SUGCT: variants seen among roughly 807,000 people sequenced by gnomAD.
The protein encoded by SUGCT is succinyl-CoA:glutarate-CoA transferase.
Under a neutral mutation model 55.0 loss-of-function variants are expected in SUGCT, and 41 were observed. The ratio of observed to expected loss-of-function variants is 0.74; its 90% CI spans 0.58 to 0.97. The LOEUF (loss-of-function observed/expected upper bound fraction) is 0.97. Ranked by LOEUF, SUGCT falls within the 50% of genes least tolerant of loss-of-function variation. The pLI, the probability that SUGCT is intolerant of heterozygous loss-of-function variation, is 0.00. For synonymous variants in SUGCT, 187 were observed against 200.4 expected (o/e 0.93, Z 0.56); for missense variants, 568 against 547.8 (o/e 1.04, Z -0.37).
chr7:40,570,019 A>C (rs902345824), intron 12 of SUGCT, among the ~76,000 whole-genome samples: 7 of 152,242 alleles, frequency 4.6e-5, no homozygotes, highest in African/African-American at 1.4e-4. Flanking sequence ...ATTGTTATAA[A>C]ATCTTGCTTT....
intron 12 of SUGCT, among the ~76,000 whole-genome samples, chr7:40,697,505 G>T (rs183359650): frequency 2.6e-5 from 4 of 152,154 alleles, no homozygotes; most frequent in Non-Finnish European, 2.9e-5. Flanking sequence ...AATTGTTGTG[G>T]CAGGAGCCTG....
chr7:40,312,858 G>A (rs10258258), intron 8 of SUGCT, among the ~76,000 whole-genome samples: 85,151 of 151,860 alleles, frequency 0.56, 25,259 homozygotes, highest in Non-Finnish European at 0.67. Flanking sequence ...AAAATGACCC[G>A]TTTTGATGCA....
intron 9 of SUGCT, among the ~76,000 whole-genome samples, chr7:40,322,655 C>T (rs1358536780): frequency 2.0e-5 from 3 of 152,164 alleles, no homozygotes; most frequent in Non-Finnish European, 2.9e-5. Flanking sequence ...AAGACTGTAA[C>T]CTTTCCTTAA....
chr7:40,365,224 A>G (rs1480257457), intron 9 of SUGCT, among the ~76,000 whole-genome samples: 1 of 152,188 alleles, frequency 6.6e-6, no homozygotes, highest in Non-Finnish European at 1.5e-5. Context: ...TCTTCATGCT[A>G]AAAACTCTCA....
At chr7:40,135,214 C>G in intron 1 of SUGCT, 94 bp downstream of exon 1, 2 of 1,356,872 alleles carry the variant, frequency 1.5e-6, no homozygotes, top group Non-Finnish European at 2.0e-6. Flanking sequence ...GGTCTGAAGT[C>G]TCTGCTGACC....
At chr7:40,644,000 T>C (rs1474164582) in intron 12 of SUGCT, among the ~76,000 whole-genome samples, 1 of 152,170 alleles carries the variant, frequency 6.6e-6, no homozygotes, top group Non-Finnish European at 1.5e-5. Flanking sequence ...CTGGAAAACC[T>C]GTCGTTTGGG....
At chr7:40,448,596 C>T (rs1400913046) in intron 9 of SUGCT, among the ~76,000 whole-genome samples, 1 of 151,942 alleles carries the variant, frequency 6.6e-6, no homozygotes, top group East Asian at 1.9e-4. Context: ...GCCTGTAATC[C>T]CGGCACTTTG....
the SUGCT span, among the ~76,000 whole-genome samples, chr7:41,009,898 G>A: frequency 4.6e-5 from 7 of 152,186 alleles, no homozygotes; most frequent in South Asian, 2.1e-4. Context: ...CACTCTCTTC[G>A]ATGATATTTC....
At chr7:40,677,919 G>A (rs547076392) in intron 12 of SUGCT, among the ~76,000 whole-genome samples, 51 of 152,190 alleles carry the variant, frequency 3.4e-4, no homozygotes, top group Non-Finnish European at 5.7e-4. Context: ...TCATCTGAAG[G>A]TTTGGACTGG....
rs545233117 is a variant in SUGCT at position 40,601,388 on chromosome 7, A to G, written c.1089+105002A>G. 6.6e-5 allele frequency among the ~76,000 whole-genome samples: 10 copies of G among 152,334 alleles called. No homozygotes were observed. In the South Asian group the frequency reaches 2.1e-3, roughly 32 times the overall value. On this transcript the variant is annotated intron_variant, in intron 12 of 13. Coordinates refer to ENST00000335693, the MANE Select transcript of SUGCT (RefSeq NM_001193313.2). ...TGTGGACTGTAACCGTCAAGAACAC[A>G]TGTCCTTGCCACAAATCTTTGAGGT... is the stretch of plus-strand genomic sequence containing the variant.
chr7:40,411,405 CA>C (rs1458545451), intron 9 of SUGCT, among the ~76,000 whole-genome samples: 1 of 152,034 alleles, frequency 6.6e-6, no homozygotes, highest in Non-Finnish European at 1.5e-5. Flanking sequence ...AACAAACAAA[CA>C]AAAAGCCAAT....
chr7:40,168,951 C>T (rs994571032), intron 1 of SUGCT, among the ~76,000 whole-genome samples: 9 of 151,988 alleles, frequency 5.9e-5, no homozygotes, highest in African/African-American at 2.2e-4. Context: ...CTTTTCTTTC[C>T]TTTCTGATGA....
At chr7:40,985,852 T>G in the SUGCT span, among the ~76,000 whole-genome samples, 16 of 152,252 alleles carry the variant, frequency 1.1e-4, no homozygotes, top group South Asian at 3.3e-3. Context: ...GATAGTAAAA[T>G]TAGGGTTTTG....
At chr7:40,199,676 C>A (rs1786483485) in intron 6 of SUGCT, among the ~76,000 whole-genome samples, 1 of 152,086 alleles carries the variant, frequency 6.6e-6, no homozygotes, top group Non-Finnish European at 1.5e-5. Flanking sequence ...AATGTTATTT[C>A]TCCTGTTCTT....
chr7:40,972,179 T>C, the SUGCT span, among the ~76,000 whole-genome samples: 1 of 152,210 alleles, frequency 6.6e-6, no homozygotes, highest in African/African-American at 2.4e-5. Context: ...TCCATGTCAA[T>C]AAATATACAT....
chr7:40,141,234 A>G (rs1000187351), intron 1 of SUGCT, among the ~76,000 whole-genome samples: 2 of 151,388 alleles, frequency 1.3e-5, no homozygotes, highest in South Asian at 2.1e-4. Context: ...CTGGAGTACA[A>G]TGGTGCAATG....
chr7:40,434,854 G>A (rs753192393), intron 9 of SUGCT, among the ~76,000 whole-genome samples: 12 of 152,028 alleles, frequency 7.9e-5, no homozygotes, highest in Admixed American at 3.3e-4. Context: ...ATCAGATAGA[G>A]CCTTCCCCTA....
intron 3 of SUGCT, among the ~76,000 whole-genome samples, chr7:40,185,553 G>A (rs761658401): frequency 5.9e-5 from 9 of 151,710 alleles, no homozygotes; most frequent in Non-Finnish European, 1.0e-4. Flanking sequence ...CAGACTTTTC[G>A]CTCTTCTTGC....
At chr7:40,690,029 T>A (rs1784624635) in intron 12 of SUGCT, among the ~76,000 whole-genome samples, 1 of 152,206 alleles carries the variant, frequency 6.6e-6, no homozygotes, top group Admixed American at 6.5e-5. Flanking sequence ...ATGCATATGG[T>A]CACCATACTA....
Sources: allele counts gnomAD v4.1 joint callset (sites outside exome capture counted in the v4.1 genomes callset), GRCh38; gene constraint gnomAD v4.1.1; transcripts MANE v1.5; gene names NCBI Gene and HGNC (gene_info 2026-07-23, HGNC 2026-07-21).